BDNF: variants seen among roughly 807,000 people sequenced by gnomAD.
The protein encoded by BDNF is brain derived neurotrophic factor.
BDNF carries 1 observed loss-of-function variant against 19.5 expected under a neutral mutation model. The observed-to-expected ratio is 0.05, with a 90% confidence interval of 0.02 to 0.24. The LOEUF is 0.24. Among genes scored for constraint, BDNF ranks in the 10% least tolerant of loss-of-function variants. The pLI is 1.00. For missense variants in BDNF, 195 were observed against 317.6 expected, an observed-to-expected ratio of 0.61 and a Z score of 2.93; for synonymous variants, 100 against 121.6, an observed-to-expected ratio of 0.82 and a Z score of 1.17.
intron 1 of BDNF, among the ~76,000 whole-genome samples, chr11:27,659,871 A>G (rs1853180935): frequency 6.6e-6 from 1 of 152,212 alleles, no homozygotes. Context: ...TAGGAAGCCA[A>G]TTAAAATGGA....
At chr11:27,695,729 C>T (rs1462811742) in intron 1 of BDNF, among the ~76,000 whole-genome samples, 2 of 152,006 alleles carry the variant, frequency 1.3e-5, no homozygotes, top group African/African-American at 4.8e-5. Flanking sequence ...CAATCGTTCT[C>T]CTGTCCCACA....
rs185469605 is a variant in BDNF, at chr11:27,688,682, C to T, written c.-22+11482G>A. 4.0e-3 allele frequency among the ~76,000 whole-genome samples: 609 copies of T among 152,286 alleles called. 4 individuals carry two copies. Among genetic ancestry groups the T allele is most frequent in the African/African-American group, 0.014 (578 of 41,564 alleles). On this transcript the variant is annotated intron_variant, in intron 1 of 1. Transcript: ENST00000356660. ...GGGAGGGAGTTCCCCTGACCCCTTG[C>T]GCTTCCTGAGTGAGGCAATGCTCCA...
At chr11:27,712,070 T>G (rs565624942) in intron 1 of BDNF, among the ~76,000 whole-genome samples, 34 of 152,332 alleles carry the variant, frequency 2.2e-4, no homozygotes, top group Admixed American at 4.6e-4. Context: ...CTTTCCCCAC[T>G]TGACAGCTTG....
chr11:27,712,927 C>CTT (rs112937534), intron 1 of BDNF, among the ~76,000 whole-genome samples: 52 of 117,276 alleles, frequency 4.4e-4, no homozygotes, highest in Non-Finnish European at 8.4e-4. Flanking sequence ...TTCTTTCTTT[C>CTT]TTTTTTTTTT....
Position 27,656,587 on chromosome 11 carries a change from C to T in BDNF, c.*1234G>A, listed in dbSNP as rs113432183. On this transcript the variant is annotated 3_prime_UTR_variant, in exon 2 of 2. Coordinates refer to ENST00000356660, the MANE Select transcript of BDNF (RefSeq NM_001709.5). ...ACTGCCGGTAAATGCAATGCCAACT[C>T]CACATAGCCTCCATTTGGCTGTTCA... The T allele has an allele frequency of 1.0e-6, 1 of 985,728 alleles. No individual in the cohort carries two copies. The highest frequency in any genetic ancestry group is 1.7e-5 in the African/African-American group (1 of 57,214). The allele number at this position is 985,728 out of a possible 1,614,324, so 61.1% of individuals were successfully genotyped here. A position where few individuals can be genotyped will look rare whatever the true frequency, so the allele number is the denominator to read the frequency against.
intron 1 of BDNF, among the ~76,000 whole-genome samples, chr11:27,712,790 C>T (rs1590495108): frequency 6.6e-6 from 1 of 151,548 alleles, no homozygotes; most frequent in Admixed American, 6.6e-5. Context: ...GCTGAGATTA[C>T]AGGTGTGAGC....
At chr11:27,662,088 C>T (rs1290682715) in intron 1 of BDNF, among the ~76,000 whole-genome samples, 3 of 152,124 alleles carry the variant, frequency 2.0e-5, no homozygotes, top group South Asian at 2.1e-4. Flanking sequence ...CTGCAATCTC[C>T]ACCTCCTGGG....
chr11:27,664,562 A>G (rs910311923), intron 1 of BDNF, among the ~76,000 whole-genome samples: 4 of 152,188 alleles, frequency 2.6e-5, no homozygotes, highest in African/African-American at 9.7e-5. Context: ...GAGGATCACT[A>G]GAGCCCAGGA....
intron 1 of BDNF, chr11:27,659,693 A>G (rs967857379): frequency 2.0e-6 from 2 of 996,586 alleles, no homozygotes; most frequent in Non-Finnish European, 2.4e-6. Context: ...CTACTTTTAA[A>G]AAGCTGAGTG....
At chr11:27,712,519 A>AT (rs35699873) in intron 1 of BDNF, among the ~76,000 whole-genome samples, 4,078 of 144,602 alleles carry the variant, frequency 0.028, 137 homozygotes, top group African/African-American at 0.085. Flanking sequence ...TTCACTTAGA[A>AT]TTTTTTTTTT....
Position 27,659,575 on chromosome 11 carries a change from TACAC to T in BDNF, c.-21-994_-21-991del. 6.0e-6 allele frequency: 6 copies of T among 1,000,330 alleles called. No homozygotes were observed. The South Asian group carries it at 2.3e-4, about 39-fold the overall frequency. The allele number at this position is 1,000,330 out of a possible 1,614,324, so 62.0% of individuals were successfully genotyped here. ...TCACTCCTTGGCTTTTTCTGGCTAA[TACAC>T]ACATCTAGCTAAGAAAGCTCAACTT... On this transcript the variant is annotated intron_variant, in intron 1 of 1. Transcript: ENST00000356660.
intron 1 of BDNF, among the ~76,000 whole-genome samples, chr11:27,714,140 T>C (rs1860433978): frequency 6.6e-6 from 1 of 152,282 alleles, no homozygotes; most frequent in Admixed American, 6.5e-5. Flanking sequence ...ACTGCAGCAA[T>C]CTAGCCAATC....
intron 1 of BDNF, among the ~76,000 whole-genome samples, chr11:27,666,739 A>T (rs4517468): frequency 0.54 from 82,419 of 151,814 alleles, 25,448 homozygotes; most frequent in East Asian, 0.75. Context: ...AAAAGAAATG[A>T]ACAAAGCCTC....
At chr11:27,669,998 A>C (rs1855069225) in intron 1 of BDNF, among the ~76,000 whole-genome samples, 1 of 152,200 alleles carries the variant, frequency 6.6e-6, no homozygotes, top group Admixed American at 6.5e-5. Flanking sequence ...ACGCTACCTG[A>C]CTTCAAACTA....
intron 1 of BDNF, among the ~76,000 whole-genome samples, chr11:27,670,676 C>A: frequency 6.6e-6 from 1 of 152,108 alleles, no homozygotes; most frequent in Middle Eastern, 3.2e-3. Flanking sequence ...CATCACTGGC[C>A]ATCAGAGAAA....
chr11:27,710,109 C>A (rs1431358710), intron 1 of BDNF, among the ~76,000 whole-genome samples: 1 of 152,170 alleles, frequency 6.6e-6, no homozygotes, highest in Non-Finnish European at 1.5e-5. Context: ...GCTTTCAGAG[C>A]TCTGGGACGT....
chr11:27,690,068 TTAAAA>T lies in BDNF; in HGVS notation c.-22+10091_-22+10095del, dbSNP rs1379154099. Among the ~76,000 whole-genome samples, 3 of 152,218 alleles carry T rather than the reference TTAAAA, an allele frequency of 2.0e-5. 1 individual carries two copies. In the East Asian group the frequency reaches 5.8e-4, roughly 29 times the overall value. On this transcript the variant is annotated intron_variant, in intron 1 of 1. Coordinates refer to ENST00000356660, the MANE Select transcript of BDNF (RefSeq NM_001709.5). ...TAATCTGGTATTTTAGGAAAAGCAC[TTAAAA>T]TAAATTGTATTAATGACACCACATT...
chr11:27,676,757 G>T (rs1564963932), intron 1 of BDNF, among the ~76,000 whole-genome samples: 1 of 152,184 alleles, frequency 6.6e-6, no homozygotes, highest in Non-Finnish European at 1.5e-5. Flanking sequence ...CCTTGAGTAT[G>T]AAAGTTCCAA....
At chr11:27,684,708 A>G (rs991857900) in intron 1 of BDNF, among the ~76,000 whole-genome samples, 51 of 152,198 alleles carry the variant, frequency 3.4e-4, no homozygotes, top group Admixed American at 2.8e-3. Context: ...ATCTTTATTG[A>G]TTTGCATATG....
Sources: allele counts gnomAD v4.1 joint callset (sites outside exome capture counted in the v4.1 genomes callset), GRCh38; gene constraint gnomAD v4.1.1; transcripts MANE v1.5; gene names NCBI Gene and HGNC (gene_info 2026-07-23, HGNC 2026-07-21).